SAV1: variants seen among roughly 807,000 people sequenced by gnomAD.
SAV1 encodes the protein salvador family WW domain containing protein 1.
Under a neutral mutation model 47.3 loss-of-function variants are expected in SAV1, and 23 were observed. That is an observed-to-expected ratio of 0.49 (90% CI 0.35 to 0.69). The LOEUF is 0.69. SAV1 is among the 30% of genes least tolerant of loss of function. SAV1 has a pLI of 0.01. For missense variants in SAV1, 448 were observed against 457.4 expected, an observed-to-expected ratio of 0.98 and a Z score of 0.19; for synonymous variants, 155 against 159.2, an observed-to-expected ratio of 0.97 and a Z score of 0.20.
Position 50,665,585 on chromosome 14 carries a change from T to G in SAV1, c.129A>C (p.Thr43=). ...GACAGATATCAGTTCGTCTTGGAAT[T>G]GTTGGACCATGCCGGATGAATGAAG... ...LMPSFIRHGP[T]IPRRTDICLP... The change falls in exon 2 of 5, where the codon ACA becomes ACC. Residue 43 remains threonine, a synonymous_variant. Coordinates refer to ENST00000324679, the MANE Select transcript of SAV1 (RefSeq NM_021818.4). 4 of 1,612,788 alleles carry G rather than the reference T, an allele frequency of 2.5e-6. No individual in the cohort carries two copies. Among genetic ancestry groups the G allele is most frequent in the Non-Finnish European group, 3.4e-6 (4 of 1,179,286 alleles).
intron 2 of SAV1, among the ~76,000 whole-genome samples, chr14:50,660,881 A>G (rs2039854101): frequency 6.6e-6 from 1 of 152,208 alleles, no homozygotes; most frequent in Non-Finnish European, 1.5e-5. Flanking sequence ...AATGACCTCC[A>G]GTTCCATTCA....
At chr14:50,649,762 G>T (rs1468242043) in intron 2 of SAV1, among the ~76,000 whole-genome samples, 2 of 152,138 alleles carry the variant, frequency 1.3e-5, no homozygotes, top group African/African-American at 4.8e-5. Flanking sequence ...GTGCCTGAAA[G>T]GTACAAGGAT....
chr14:50,642,041 A>T (rs1257517790), intron 3 of SAV1, among the ~76,000 whole-genome samples: 1 of 152,212 alleles, frequency 6.6e-6, no homozygotes, highest in Non-Finnish European at 1.5e-5. Context: ...AAAAAGAACA[A>T]GAGCATGTAG....
intron 2 of SAV1, among the ~76,000 whole-genome samples, chr14:50,647,204 T>C (rs2039729627): frequency 6.6e-6 from 1 of 152,108 alleles, no homozygotes; most frequent in Non-Finnish European, 1.5e-5. Context: ...TTTTTTACCA[T>C]GATGCTGAAA....
At chr14:50,657,043 T>TC (rs2039819154) in intron 2 of SAV1, among the ~76,000 whole-genome samples, 2 of 150,706 alleles carry the variant, frequency 1.3e-5, no homozygotes, top group Non-Finnish European at 3.0e-5. Flanking sequence ...TTTTTTTTTT[T>TC]TGAGACGGAG....
intron 4 of SAV1, chr14:50,637,666 T>TTTTTTTTTTTTG (rs1439445256): frequency 1.9e-3 from 32 of 16,816 alleles, no homozygotes; most frequent in African/African-American, 5.3e-3. Flanking sequence ...TTTTGTCAGT[T>TTTTTTTTTTTTG]TTTTTTTTTT....
At chr14:50,645,263 T>C (rs2039712655) in intron 2 of SAV1, among the ~76,000 whole-genome samples, 1 of 152,072 alleles carries the variant, frequency 6.6e-6, no homozygotes, top group Non-Finnish European at 1.5e-5. Context: ...CAACAGGCCA[T>C]ACAAACACTT....
intron 2 of SAV1, among the ~76,000 whole-genome samples, chr14:50,656,795 T>G (rs576650364): frequency 2.6e-5 from 4 of 152,306 alleles, no homozygotes; most frequent in African/African-American, 9.6e-5. Context: ...AAATTATTAT[T>G]TGGGATAATT....
In SAV1 at chr14:50,668,054, G is replaced by C. The variant is rs1354493440; in HGVS notation, c.-87C>G. Reference sequence around the variant, plus strand: ...GGCCGTCTCCGCCGCCACCTCCGCCGGCGCCGCCGCCTCCTTCCCTCCCGA... The same window carrying C: ...GGCCGTCTCCGCCGCCACCTCCGCCCGCGCCGCCGCCTCCTTCCCTCCCGA... On this transcript the variant is annotated 5_prime_UTR_variant, in exon 1 of 5. Transcript: ENST00000324679. The C allele has an allele frequency of 1.0e-6, 1 of 973,168 alleles. No homozygotes were observed. The highest frequency in any genetic ancestry group is 1.4e-6 in the Non-Finnish European group (1 of 728,168). 60.3% of individuals were successfully genotyped at this position (973,168 alleles called of 1,614,324 possible).
chr14:50,667,207 A>T (rs1325492371), intron 1 of SAV1, among the ~76,000 whole-genome samples: 2 of 139,116 alleles, frequency 1.4e-5, no homozygotes, highest in Non-Finnish European at 3.1e-5. Flanking sequence ...CTACCCTATT[A>T]AAAAAAAAAA....
intron 2 of SAV1, among the ~76,000 whole-genome samples, chr14:50,646,083 C>T (rs960726697): frequency 2.0e-5 from 3 of 152,136 alleles, no homozygotes. Flanking sequence ...CCCCCTTATC[C>T]ATGGGGGATC....
At chr14:50,652,528 A>C (rs936180617) in intron 2 of SAV1, among the ~76,000 whole-genome samples, 14 of 152,212 alleles carry the variant, frequency 9.2e-5, no homozygotes, top group Admixed American at 7.9e-4. Context: ...TCACATTAGA[A>C]AGCAAAGAGA....
At chr14:50,661,192 A>G (rs534797466) in intron 2 of SAV1, among the ~76,000 whole-genome samples, 75 of 152,270 alleles carry the variant, frequency 4.9e-4, no homozygotes, top group Non-Finnish European at 1.0e-3. Flanking sequence ...GTTTTCACTT[A>G]CATTTCCTTG....
In SAV1 at chr14:50,635,359, G is replaced by C. The variant is rs1473114530; in HGVS notation, c.976C>G (p.Leu326Val). Residue 326 changes from leucine to valine, a missense_variant, in exon 5 of 5, where the codon CTC becomes GTC. Leu to Val is a conservative substitution (Grantham distance 32). Coordinates refer to ENST00000324679, the MANE Select transcript of SAV1 (RefSeq NM_021818.4). ...VKYDHILKWE[L>V]FQLADLDTYQ... ...GTATCCAGGTCAGCCAGCTGGAAGA[G>C]TTCCCACTTCAGAATGTGGTCATAT... 6.2e-7 allele frequency: 1 copy of C among 1,614,052 alleles called. No homozygotes were observed.
At chr14:50,645,714 A>T (rs2039716183) in intron 2 of SAV1, among the ~76,000 whole-genome samples, 1 of 151,896 alleles carries the variant, frequency 6.6e-6, no homozygotes, top group Non-Finnish European at 1.5e-5. Flanking sequence ...CTGATTAAAG[A>T]TTTGACATTT....
chr14:50,665,770 G>A lies in SAV1; in HGVS notation c.95-151C>T, dbSNP rs2039897033. ...AATTTTGGTTTAGGATGGTACTTGG[G>A]CATTTTAAATTGAGGAAGATTAATA... On this transcript the variant is annotated intron_variant, in intron 1 of 4. Coordinates refer to ENST00000324679, the MANE Select transcript of SAV1 (RefSeq NM_021818.4). 14 of 659,744 alleles carry A rather than the reference G, an allele frequency of 2.1e-5. No individual in the cohort carries two copies. The South Asian group carries it at 2.8e-4, about 13-fold the overall frequency. 40.9% of individuals were successfully genotyped at this position (659,744 alleles called of 1,614,324 possible).
At chr14:50,642,366 G>A (rs2039687391) in intron 3 of SAV1, among the ~76,000 whole-genome samples, 1 of 152,028 alleles carries the variant, frequency 6.6e-6, no homozygotes, top group Admixed American at 6.6e-5. Context: ...ATGCATGCCT[G>A]TAATCCCAGC....
Position 50,634,184 on chromosome 14 carries a change from A to C in SAV1, c.*999T>G. The C allele has an allele frequency of 2.2e-6, 1 of 455,374 alleles. No individual in the cohort carries two copies. Among genetic ancestry groups the C allele is most frequent in the Non-Finnish European group, 4.4e-6 (1 of 226,374 alleles). The allele number at this position is 455,374 out of a possible 1,614,324, so 28.2% of individuals were successfully genotyped here. A position where few individuals can be genotyped will look rare whatever the true frequency, so the allele number is the denominator to read the frequency against. On this transcript the variant is annotated 3_prime_UTR_variant, in exon 5 of 5. Coordinates refer to ENST00000324679, the MANE Select transcript of SAV1 (RefSeq NM_021818.4). ...GCAGTAACAGCACTGGCTGAAAATA[A>C]GGAAGATGATGTTAGCAACTTTGAG... is the stretch of plus-strand genomic sequence containing the variant.
At chr14:50,635,456 C>G (rs2039626151) in intron 4 of SAV1, 72 bp from the exon 5 acceptor site, 1 of 1,201,976 alleles carries the variant, frequency 8.3e-7, no homozygotes, top group Non-Finnish European at 1.2e-6. Flanking sequence ...AGAAACTAGT[C>G]TGTTTTTTAA....
Sources: allele counts gnomAD v4.1 joint callset (sites outside exome capture counted in the v4.1 genomes callset), GRCh38; gene constraint gnomAD v4.1.1; transcripts MANE v1.5; gene names NCBI Gene and HGNC (gene_info 2026-07-23, HGNC 2026-07-21).